Variants in LRMDA observed in about 807,000 individuals in gnomAD.
LRMDA encodes leucine-rich melanocyte differentiation-associated protein.
A neutral mutation model predicts 29.8 loss-of-function variants in LRMDA; 18 were observed. The observed-to-expected ratio is 0.60, with a 90% CI of 0.42 to 0.90. The LOEUF is 0.90. LRMDA is among the 40% of genes least tolerant of loss of function. The probability of loss-of-function intolerance (pLI) is 0.00; values close to 1 mark genes in which losing one functional copy is unlikely to be tolerated. For missense variants in LRMDA, 273 were observed against 273.9 expected, an observed-to-expected ratio of 1.00 and a Z score of 0.02; for synonymous variants, 125 against 109.4, an observed-to-expected ratio of 1.14 and a Z score of -0.89.
chr10:76,222,526 A>G (rs1851863324), intron 5 of LRMDA, among the ~76,000 whole-genome samples: 1 of 152,230 alleles, frequency 6.6e-6, no homozygotes, highest in Non-Finnish European at 1.5e-5. Context: ...AAAAATGCTC[A>G]CCATCACTGG....
At chr10:76,300,137 A>G (rs988364218) in intron 5 of LRMDA, among the ~76,000 whole-genome samples, 5 of 152,216 alleles carry the variant, frequency 3.3e-5, no homozygotes, top group African/African-American at 1.2e-4. Flanking sequence ...AGAAACTGAT[A>G]TATGACTAAC....
At chr10:75,630,682 G>C (rs1296242066) in intron 2 of LRMDA, among the ~76,000 whole-genome samples, 1 of 152,192 alleles carries the variant, frequency 6.6e-6, no homozygotes, top group Non-Finnish European at 1.5e-5. Flanking sequence ...GATTAAATGA[G>C]ATTTCATAAA....
At chr10:76,347,321 G>A (rs1020964208) in intron 6 of LRMDA, among the ~76,000 whole-genome samples, 1 of 152,134 alleles carries the variant, frequency 6.6e-6, no homozygotes, top group Admixed American at 6.5e-5. Context: ...GATAACGAAA[G>A]GTCTTATCTC....
intron 5 of LRMDA, among the ~76,000 whole-genome samples, chr10:76,179,283 C>T (rs1850998946): frequency 6.6e-6 from 1 of 151,786 alleles, no homozygotes; most frequent in South Asian, 2.1e-4. Context: ...GTTCTCTGCT[C>T]TCCCCACCTT....
At chr10:76,360,805 G>A (rs1841301998) in intron 6 of LRMDA, among the ~76,000 whole-genome samples, 1 of 152,154 alleles carries the variant, frequency 6.6e-6, no homozygotes, top group South Asian at 2.1e-4. Context: ...AACTTTTTCT[G>A]TAAGTTAAGA....
chr10:75,992,721 C>A (rs1239642036), intron 2 of LRMDA, among the ~76,000 whole-genome samples: 3 of 152,114 alleles, frequency 2.0e-5, no homozygotes, highest in Admixed American at 2.0e-4. Flanking sequence ...GAGCTCTGGG[C>A]TCCTCCCCAT....
intron 6 of LRMDA, among the ~76,000 whole-genome samples, chr10:76,368,102 T>G (rs1298003476): frequency 6.6e-6 from 1 of 152,206 alleles, no homozygotes; most frequent in African/African-American, 2.4e-5. Flanking sequence ...TTTCATTTAC[T>G]TCTGCTGCGA....
chr10:76,232,899 G>C (rs1357237080), intron 5 of LRMDA, among the ~76,000 whole-genome samples: 1 of 152,058 alleles, frequency 6.6e-6, no homozygotes, highest in African/African-American at 2.4e-5. Flanking sequence ...TTGGTTTGGG[G>C]GTATGCAAAA....
chr10:75,749,881 T>A (rs934120638), intron 2 of LRMDA, among the ~76,000 whole-genome samples: 5 of 152,216 alleles, frequency 3.3e-5, no homozygotes, highest in Admixed American at 1.3e-4. Context: ...CACATCTTGC[T>A]CCGCCCTTAA....
At chr10:76,235,766 G>A (rs1564695342) in intron 5 of LRMDA, among the ~76,000 whole-genome samples, 2 of 152,166 alleles carry the variant, frequency 1.3e-5, no homozygotes, top group South Asian at 2.1e-4. Context: ...ACTGTATGAC[G>A]AATAAGGGTT....
At chr10:76,517,976 A>G (rs1341661346) in intron 6 of LRMDA, among the ~76,000 whole-genome samples, 2 of 150,182 alleles carry the variant, frequency 1.3e-5, no homozygotes, top group Non-Finnish European at 3.0e-5. Context: ...GAAAAGAGAA[A>G]AAGAAGCTTA....
Position 76,411,067 on chromosome 10 carries a change from T to C in LRMDA, c.601+86582T>C, listed in dbSNP as rs186188989. On this transcript the variant is annotated intron_variant, in intron 6 of 6. Coordinates refer to ENST00000611255, the MANE Select transcript of LRMDA (RefSeq NM_001305581.2). ...ATGCAAGAGATGTTTGTCATTTACC[T>C]GTTGTTGTTTTTATTTCACCATCAT... is the stretch of plus-strand genomic sequence containing the variant. Among the ~76,000 whole-genome samples, 6 of 152,204 alleles carry C rather than the reference T, an allele frequency of 3.9e-5. No homozygotes were observed. The East Asian group carries it at 9.6e-4, about 24-fold the overall frequency.
intron 2 of LRMDA, among the ~76,000 whole-genome samples, chr10:75,583,211 C>T (rs568021634): frequency 1.3e-5 from 2 of 152,288 alleles, no homozygotes; most frequent in South Asian, 4.1e-4. Context: ...ATGGCAATGC[C>T]CTGCTGCTTG....
intron 6 of LRMDA, among the ~76,000 whole-genome samples, chr10:76,521,326 G>A (rs944902461): frequency 6.6e-6 from 1 of 151,988 alleles, no homozygotes; most frequent in African/African-American, 2.4e-5. Context: ...AGTAGAGACG[G>A]GGTTTCACCG....
chr10:76,547,110 ATTTTTACGT>A (rs1843431152), intron 6 of LRMDA, among the ~76,000 whole-genome samples: 1 of 151,924 alleles, frequency 6.6e-6, no homozygotes, highest in Admixed American at 6.6e-5. Context: ...ATTTTTATTT[ATTTTTACGT>A]TTTTTACTTT....
intron 3 of LRMDA, among the ~76,000 whole-genome samples, chr10:76,039,620 A>T (rs561244688): frequency 6.6e-6 from 1 of 152,226 alleles, no homozygotes; most frequent in Non-Finnish European, 1.5e-5. Flanking sequence ...AAGAGGGATT[A>T]TCACATAGTG....
chr10:76,345,489 T>TTA lies in LRMDA; in HGVS notation c.601+21013_601+21014dup, dbSNP rs1303673909. On this transcript the variant is annotated intron_variant, in intron 6 of 6. Coordinates refer to ENST00000611255, the MANE Select transcript of LRMDA (RefSeq NM_001305581.2). Reference sequence around the variant, plus strand: ...ATTTATTTTATATATATTTATAAATTTATATATATAAATAAAAGGGAATAA... The same window carrying TTA: ...ATTTATTTTATATATATTTATAAATTTATATATATATAAATAAAAGGGAATAA... Among the ~76,000 whole-genome samples, 8 of 148,268 alleles carry TTA rather than the reference T, an allele frequency of 5.4e-5. No individual in the cohort carries two copies. In the South Asian group the frequency reaches 1.5e-3, roughly 27 times the overall value.
intron 5 of LRMDA, among the ~76,000 whole-genome samples, chr10:76,163,657 A>G (rs1325339108): frequency 6.6e-6 from 1 of 152,170 alleles, no homozygotes; most frequent in Non-Finnish European, 1.5e-5. Context: ...AAGGATCAGG[A>G]AGATGCATTT....
rs185744928 is a variant in LRMDA at position 76,414,183 on chromosome 10, A to T, written c.601+89698A>T. Among the ~76,000 whole-genome samples the T allele has an allele frequency of 6.2e-4, 95 of 152,356 alleles. 1 individual carries two copies. The East Asian group carries it at 8.1e-3, about 13-fold the overall frequency. On this transcript the variant is annotated intron_variant, in intron 6 of 6. Coordinates refer to ENST00000611255, the MANE Select transcript of LRMDA (RefSeq NM_001305581.2). ...CTTCCTCATCTAGTGAAAGGACATTACCTCTGACTTAACAGTGTTATATCT... is the reference window on the plus strand; with the variant it reads ...CTTCCTCATCTAGTGAAAGGACATTTCCTCTGACTTAACAGTGTTATATCT...
Sources: allele counts gnomAD v4.1 joint callset (sites outside exome capture counted in the v4.1 genomes callset), GRCh38; gene constraint gnomAD v4.1.1; transcripts MANE v1.5; gene names NCBI Gene and HGNC (gene_info 2026-07-23, HGNC 2026-07-21).